The following ECT2 variants were observed in gnomAD, a reference collection of about 807,000 sequenced individuals.
ECT2 encodes the protein epithelial cell transforming 2.
In ECT2, 61 loss-of-function variants were observed where a neutral mutation model predicts 116.9. The observed-to-expected ratio is 0.52, with a 90% CI of 0.42 to 0.65. The LOEUF is 0.65. ECT2 is among the 30% of genes least tolerant of loss of function. The probability of loss-of-function intolerance (pLI) is 0.00; values close to 1 mark genes in which losing one functional copy is unlikely to be tolerated. For missense variants in ECT2, 937 were observed against 1,078.7 expected (o/e 0.87, Z 1.84); for synonymous variants, 358 against 346.4 (o/e 1.03, Z -0.37).
rs1718526247 is a variant in ECT2 at position 172,762,554 on chromosome 3, T to G, written c.889+8T>G. ...AAATGACTGAAATGCAAGGTAAAATTTAGCATAATGTAAAAGTTATATCTA... is the reference window on the plus strand; with the variant it reads ...AAATGACTGAAATGCAAGGTAAAATGTAGCATAATGTAAAAGTTATATCTA... On this transcript the variant is annotated splice_region_variant and intron_variant, in intron 9 of 24. Transcript: ENST00000392692. The G allele has an allele frequency of 1.9e-6, 3 of 1,589,226 alleles. No individual in the cohort carries two copies. In the African/African-American group the frequency reaches 4.1e-5, roughly 22 times the overall value.
intron 21 of ECT2, among the ~76,000 whole-genome samples, chr3:172,806,973 G>A (rs1244057973): frequency 1.3e-5 from 2 of 152,004 alleles, no homozygotes; most frequent in Non-Finnish European, 1.5e-5. Context: ...AACTTGAACA[G>A]CAACTTCCTG....
chr3:172,756,536 A>G (rs1426947295), intron 4 of ECT2, among the ~76,000 whole-genome samples: 5 of 151,870 alleles, frequency 3.3e-5, no homozygotes, highest in African/African-American at 7.3e-5. Context: ...TTATTTTCCT[A>G]TTTTTCTGAA....
downstream of ECT2, among the ~76,000 whole-genome samples, chr3:172,825,847 T>A (rs1229557397): frequency 1.3e-5 from 2 of 152,186 alleles, no homozygotes; most frequent in African/African-American, 4.8e-5. Context: ...AATAACAGAT[T>A]TTCAATGTAG....
chr3:172,777,818 G>C (rs941185122), intron 14 of ECT2, among the ~76,000 whole-genome samples: 1 of 152,180 alleles, frequency 6.6e-6, no homozygotes, highest in African/African-American at 2.4e-5. Context: ...AGGATCGCTT[G>C]AACCCAGGAG....
intron 8 of ECT2, 79 bp downstream of exon 8, chr3:172,761,762 G>T: frequency 1.0e-6 from 1 of 986,288 alleles, no homozygotes; most frequent in Non-Finnish European, 1.5e-6. Flanking sequence ...GCTGAAAAAA[G>T]TAATTTCATA....
At chr3:172,761,986 A>C (rs939211714) in intron 8 of ECT2, among the ~76,000 whole-genome samples, 3 of 152,036 alleles carry the variant, frequency 2.0e-5, no homozygotes, top group African/African-American at 7.2e-5. Flanking sequence ...TATTTTTAAA[A>C]TTTTGTGTTA....
intron 8 of ECT2, among the ~76,000 whole-genome samples, chr3:172,762,083 A>G (rs11928207): frequency 0.061 from 9,340 of 152,094 alleles, 965 homozygotes; most frequent in African/African-American, 0.21. Flanking sequence ...GTGGCACTTC[A>G]TGAATTAAGA....
chr3:172,802,688 A>G lies in ECT2; in HGVS notation c.1980A>G (p.Gly660=). 6.3e-7 allele frequency: 1 copy of G among 1,599,512 alleles called. No homozygotes were observed. Among genetic ancestry groups the G allele is most frequent in the Non-Finnish European group, 8.5e-7 (1 of 1,172,552 alleles). The change falls in exon 19 of 25, where the codon GGA becomes GGG. Residue 660 remains glycine (G), a synonymous_variant. Transcript: ENST00000392692. Reference sequence around the variant, plus strand: ...TTGATGTTGTTTATGAAGTAGATGGATGCCCAGTAAGTATTCTTCTTTAAC... The same window carrying G: ...TTGATGTTGTTTATGAAGTAGATGGGTGCCCAGTAAGTATTCTTCTTTAAC... ...QIFDVVYEVD[G]CPANLLSSHR... is the part of the protein sequence containing the mutation.
intron 1 of ECT2, among the ~76,000 whole-genome samples, chr3:172,753,105 T>A (rs1716251188): frequency 1.3e-5 from 2 of 152,104 alleles, no homozygotes; most frequent in South Asian, 4.1e-4. Flanking sequence ...CTAAAAAAAT[T>A]TTTTTAGAGA....
chr3:172,778,269 TAAG>T (rs1318386563), intron 14 of ECT2, among the ~76,000 whole-genome samples: 1 of 152,222 alleles, frequency 6.6e-6, no homozygotes, highest in Admixed American at 6.5e-5. Context: ...GAGGAAAAGT[TAAG>T]AGAATCCTAT....
At chr3:172,825,690 C>A (rs141289841), downstream of ECT2, among the ~76,000 whole-genome samples, 9 of 152,236 alleles carry the variant, frequency 5.9e-5, no homozygotes, top group Admixed American at 4.6e-4. Flanking sequence ...GCTGCAGAAG[C>A]CTGAAGCTAG....
At chr3:172,818,659 C>T (rs939102516) in intron 24 of ECT2, 15 of 1,289,166 alleles carry the variant, frequency 1.2e-5, no homozygotes, top group Admixed American at 1.1e-4. Flanking sequence ...TCAATCTGTA[C>T]GTCATTCTGC....
chr3:172,799,803 A>G (rs1479347014), intron 18 of ECT2, among the ~76,000 whole-genome samples: 1 of 152,110 alleles, frequency 6.6e-6, no homozygotes, highest in Non-Finnish European at 1.5e-5. Flanking sequence ...TTGTGTTATG[A>G]TTTTTAAGCC....
At chr3:172,761,802 C>T (rs1718360061) in intron 8 of ECT2, 119 bp downstream of exon 8, 1 of 547,978 alleles carries the variant, frequency 1.8e-6, no homozygotes, top group Non-Finnish European at 3.1e-6. Context: ...GTCTGAGTAG[C>T]TTGAGGAATA....
chr3:172,760,338 T>A (rs751713434), intron 7 of ECT2, 75 bp downstream of exon 7: 8 of 752,442 alleles, frequency 1.1e-5, no homozygotes, highest in Non-Finnish European at 1.4e-5. Context: ...AGCAGTCTTT[T>A]ATCTATTTCT....
At chr3:172,802,480 A>T in intron 18 of ECT2, 136 bp from the exon 19 acceptor site, 2 of 552,912 alleles carry the variant, frequency 3.6e-6, no homozygotes. Flanking sequence ...ATGTAATGGG[A>T]TACTTTTAAG....
intron 14 of ECT2, among the ~76,000 whole-genome samples, chr3:172,775,931 C>G (rs1335004215): frequency 2.6e-5 from 4 of 152,064 alleles, no homozygotes; most frequent in Non-Finnish European, 4.4e-5. Context: ...ACTGTCCTGT[C>G]AAGTAGGTTT....
intron 14 of ECT2, 61 bp downstream of exon 14, chr3:172,774,083 T>C (rs1304075362): frequency 2.6e-6 from 4 of 1,518,066 alleles, no homozygotes; most frequent in Non-Finnish European, 3.6e-6. Context: ...TTTATTATGA[T>C]CTTTGAGGTA....
At chr3:172,767,775 G>C (rs1286110338) in intron 12 of ECT2, among the ~76,000 whole-genome samples, 1 of 151,550 alleles carries the variant, frequency 6.6e-6, no homozygotes, top group Non-Finnish European at 1.5e-5. Flanking sequence ...GAGTGTGGTG[G>C]CGTGGGAGTG....
Sources: allele counts gnomAD v4.1 joint callset (sites outside exome capture counted in the v4.1 genomes callset), GRCh38; gene constraint gnomAD v4.1.1; transcripts MANE v1.5; gene names NCBI Gene and HGNC (gene_info 2026-07-23, HGNC 2026-07-21).